Variants in MTARC2 observed in about 807,000 individuals in gnomAD.
MTARC2 encodes MOCO sulphurase C-terminal domain containing 2.
A neutral mutation model predicts 35.6 loss-of-function variants in MTARC2; 27 were observed. That is an observed-to-expected ratio of 0.76 (90% CI 0.56 to 1.04). MTARC2 has a LOEUF of 1.04. MTARC2 is among the 50% of genes least tolerant of loss of function. The pLI is 0.00. For synonymous variants in MTARC2, 158 were observed against 167.1 expected, an observed-to-expected ratio of 0.95 and a Z score of 0.42; for missense variants, 412 against 432.5, an observed-to-expected ratio of 0.95 and a Z score of 0.42.
intron 2 of MTARC2, among the ~76,000 whole-genome samples, chr1:220,759,358 T>G (rs560125902): frequency 5.3e-5 from 8 of 152,324 alleles, no homozygotes; most frequent in Admixed American, 3.3e-4. Flanking sequence ...TGATGAGACA[T>G]TTTGTGTCAA....
chr1:220,776,489 A>G lies in MTARC2; in HGVS notation c.751-3529A>G, dbSNP rs192330040. ...ATAATTGCATTTAAACTTAATTAGC[A>G]TAGTATTTTTTTTACTGCAAATAAT... On this transcript the variant is annotated intron_variant, in intron 4 of 7. Transcript: ENST00000366913. Among the ~76,000 whole-genome samples, 1,113 of 152,226 alleles carry G rather than the reference A, an allele frequency of 7.3e-3. 6 individuals carry two copies. Among genetic ancestry groups the G allele is most frequent in the Non-Finnish European group, 9.0e-3 (615 of 68,022 alleles).
chr1:220,782,840 C>T (rs1029321583), intron 7 of MTARC2, among the ~76,000 whole-genome samples: 18 of 152,086 alleles, frequency 1.2e-4, no homozygotes, highest in African/African-American at 4.1e-4. Context: ...GTCTCAGTAC[C>T]CTTATCTGCA....
chr1:220,755,224 T>C (rs1223257723), intron 2 of MTARC2, 104 bp downstream of exon 2: 5 of 1,238,050 alleles, frequency 4.0e-6, no homozygotes, highest in East Asian at 2.5e-5. Context: ...GAGGATGACA[T>C]TGGTAAAGGA....
At position 220,763,018 on chromosome 1, in the gene MTARC2, A is replaced by G; in HGVS notation, c.718A>G (p.Ile240Val). 6.2e-7 allele frequency: 1 copy of G among 1,614,070 alleles called. No individual in the cohort carries two copies. Among genetic ancestry groups the G allele is most frequent in the Non-Finnish European group, 8.5e-7 (1 of 1,180,014 alleles). ...GAAAATGGAGAATTTCAGGCCAAAT[A>G]TTGTGGTGACCGGCTGTGATGCTTT... ...KMKMENFRPN[I>V]VVTGCDAFEE... Residue 240 changes from isoleucine to valine, a missense_variant, in exon 4 of 8, where the codon ATT (isoleucine) becomes GTT (valine). Physicochemically the swap from Ile to Val is conservative, Grantham distance 29. Transcript: ENST00000366913.
intron 4 of MTARC2, among the ~76,000 whole-genome samples, chr1:220,773,648 G>T (rs1020195175): frequency 6.6e-6 from 1 of 152,120 alleles, no homozygotes; most frequent in Non-Finnish European, 1.5e-5. Flanking sequence ...TGTCAGAATT[G>T]AGTTGAATTG....
chr1:220,771,097 C>A (rs550108191), intron 4 of MTARC2, among the ~76,000 whole-genome samples: 1 of 152,084 alleles, frequency 6.6e-6, no homozygotes, highest in Non-Finnish European at 1.5e-5. Flanking sequence ...TCAGGAGTTT[C>A]AGACCAGCCT....
chr1:220,783,062 A>G (rs757748959), intron 7 of MTARC2, among the ~76,000 whole-genome samples: 3 of 152,192 alleles, frequency 2.0e-5, no homozygotes, highest in Non-Finnish European at 4.4e-5. Flanking sequence ...AAGGAGCTAC[A>G]CTTCTATTGA....
At position 220,755,674 on chromosome 1, in the gene MTARC2, G is replaced by C. The variant is rs1671258470; in HGVS notation, c.446+554G>C. 2.6e-5 allele frequency among the ~76,000 whole-genome samples: 4 copies of C among 152,132 alleles called. No individual in the cohort carries two copies. The South Asian group carries it at 8.3e-4, about 32-fold the overall frequency. On this transcript the variant is annotated intron_variant, in intron 2 of 7. Coordinates refer to ENST00000366913, the MANE Select transcript of MTARC2 (RefSeq NM_017898.5). ...TAAGCACCAAATAAAGGAGGTGACT[G>C]GGAGTGCAGACTCTGGATGGGTTGG...
intron 2 of MTARC2, among the ~76,000 whole-genome samples, chr1:220,759,749 G>A (rs1671391074): frequency 6.6e-6 from 1 of 152,138 alleles, no homozygotes; most frequent in African/African-American, 2.4e-5. Context: ...TGAGATGTCT[G>A]TAGAGCCAAG....
intron 4 of MTARC2, among the ~76,000 whole-genome samples, chr1:220,778,471 C>T (rs964718636): frequency 1.3e-5 from 2 of 152,006 alleles, no homozygotes; most frequent in African/African-American, 2.4e-5. Flanking sequence ...CAAGAACTCA[C>T]CCACTATCAT....
intron 4 of MTARC2, among the ~76,000 whole-genome samples, chr1:220,765,684 C>T (rs1407514871): frequency 3.3e-5 from 5 of 152,154 alleles, no homozygotes; most frequent in African/African-American, 1.2e-4. Flanking sequence ...GTGATCCTCC[C>T]ACCTTAGCCT....
chr1:220,762,261 G>A (rs1181066510), intron 3 of MTARC2, among the ~76,000 whole-genome samples: 1 of 152,192 alleles, frequency 6.6e-6, no homozygotes, highest in East Asian at 1.9e-4. Flanking sequence ...CTCCCCCTAA[G>A]GAAAACTGTC....
intron 4 of MTARC2, among the ~76,000 whole-genome samples, chr1:220,777,462 C>G (rs970206504): frequency 5.3e-5 from 8 of 152,182 alleles, no homozygotes; most frequent in African/African-American, 1.9e-4. Flanking sequence ...CCTGCTCTGC[C>G]TCCTGCAGAG....
intron 1 of MTARC2, among the ~76,000 whole-genome samples, chr1:220,754,187 A>G (rs993213184): frequency 2.0e-5 from 3 of 152,274 alleles, no homozygotes; most frequent in Admixed American, 6.5e-5. Flanking sequence ...GCCCCAACCT[A>G]TATGCTAGGC....
In MTARC2 at chr1:220,765,737, T is replaced by G. The variant is rs765473285; in HGVS notation, c.750+2687T>G. Among the ~76,000 whole-genome samples, 15 of 152,148 alleles carry G rather than the reference T, an allele frequency of 9.9e-5. No homozygotes were observed. In the South Asian group the frequency reaches 2.1e-3, roughly 21 times the overall value. Reference sequence around the variant, plus strand: ...CTGGGACTACAGGCATATGCCATCATGCCTGGCTAATTTTTGTATTTTTTT... The same window carrying G: ...CTGGGACTACAGGCATATGCCATCAGGCCTGGCTAATTTTTGTATTTTTTT... On this transcript the variant is annotated intron_variant, in intron 4 of 7. Coordinates refer to ENST00000366913, the MANE Select transcript of MTARC2 (RefSeq NM_017898.5).
chr1:220,770,607 C>A, intron 4 of MTARC2: 1 of 973,526 alleles, frequency 1.0e-6, no homozygotes, highest in Non-Finnish European at 1.2e-6. Context: ...CTTTCTCTCG[C>A]TGTTCTCTGG....
chr1:220,775,287 C>G (rs1671869982), intron 4 of MTARC2, among the ~76,000 whole-genome samples: 1 of 152,082 alleles, frequency 6.6e-6, no homozygotes, highest in Non-Finnish European at 1.5e-5. Flanking sequence ...AGAGCTGAAC[C>G]CTTATGTATA....
chr1:220,769,317 C>T (rs1053077938), intron 4 of MTARC2, among the ~76,000 whole-genome samples: 6 of 152,192 alleles, frequency 3.9e-5, no homozygotes, highest in African/African-American at 1.4e-4. Flanking sequence ...AAGCGAGACA[C>T]CCCTGGAAAG....
At chr1:220,750,092 G>A (rs956820339) in intron 1 of MTARC2, among the ~76,000 whole-genome samples, 2 of 152,286 alleles carry the variant, frequency 1.3e-5, no homozygotes, top group South Asian at 2.1e-4. Flanking sequence ...GAATCACCAA[G>A]AGTGGGGCCA....
Sources: allele counts gnomAD v4.1 joint callset (sites outside exome capture counted in the v4.1 genomes callset), GRCh38; gene constraint gnomAD v4.1.1; transcripts MANE v1.5; gene names NCBI Gene and HGNC (gene_info 2026-07-23, HGNC 2026-07-21).